The following MCCC1 variants were observed in gnomAD, a reference collection of about 807,000 sequenced individuals.
MCCC1 encodes the protein methylcrotonoyl-CoA carboxylase subunit alpha, mitochondrial.
A neutral mutation model predicts 83.8 loss-of-function variants in MCCC1; 64 were observed. The observed-to-expected ratio is 0.76, with a 90% CI of 0.62 to 0.94. MCCC1 has a LOEUF of 0.94. MCCC1 is among the 40% of genes least tolerant of loss of function. MCCC1 has a pLI of 0.00. For synonymous variants in MCCC1, 322 were observed against 315.4 expected, an observed-to-expected ratio of 1.02 and a Z score of -0.22; for missense variants, 807 against 904.7, an observed-to-expected ratio of 0.89 and a Z score of 1.39.
intron 1 of MCCC1, among the ~76,000 whole-genome samples, chr3:183,114,509 G>A (rs917496181): frequency 6.6e-6 from 1 of 152,206 alleles, no homozygotes; most frequent in African/African-American, 2.4e-5. Flanking sequence ...GCCATCTGGT[G>A]TCCACTGCAG....
chr3:183,067,593 C>T (rs1716348956), intron 7 of MCCC1, among the ~76,000 whole-genome samples: 1 of 152,198 alleles, frequency 6.6e-6, no homozygotes, highest in Non-Finnish European at 1.5e-5. Context: ...AGATTTCCTA[C>T]AATTTAGACT....
intron 9 of MCCC1, among the ~76,000 whole-genome samples, chr3:183,048,238 GAATA>G (rs1163097471): frequency 3.3e-5 from 5 of 152,032 alleles, no homozygotes; most frequent in Admixed American, 3.3e-4. Flanking sequence ...CAAACAAGGG[GAATA>G]AATAGAAAAC....
chr3:183,015,386 T>G lies in MCCC1; in HGVS notation c.*52A>C. On this transcript the variant is annotated 3_prime_UTR_variant, in exon 19 of 19. Transcript: ENST00000265594. ...CCAGAAAAGCTGGAGGCACTTCCTC[T>G]TTTTGGTGGAGAGAGAAGACACTAC... 6.2e-7 allele frequency: 1 copy of G among 1,608,936 alleles called. No homozygotes were observed. Among genetic ancestry groups the G allele is most frequent in the Non-Finnish European group, 8.5e-7 (1 of 1,175,452 alleles).
At chr3:183,047,470 AAC>A (rs988463457) in intron 9 of MCCC1, among the ~76,000 whole-genome samples, 4 of 152,198 alleles carry the variant, frequency 2.6e-5, no homozygotes, top group African/African-American at 7.2e-5. Flanking sequence ...AAAGGCAAAA[AAC>A]ACAGTTTGAA....
intron 4 of MCCC1, 130 bp downstream of exon 4, chr3:183,086,563 C>T (rs1717904534): frequency 1.2e-6 from 1 of 818,278 alleles, no homozygotes; most frequent in South Asian, 1.5e-5. Context: ...GCCTAGTTTA[C>T]AATGATAATC....
intron 2 of MCCC1, among the ~76,000 whole-genome samples, chr3:183,093,082 C>T (rs1037922327): frequency 7.2e-5 from 11 of 152,086 alleles, no homozygotes; most frequent in African/African-American, 2.4e-4. Context: ...TTAGTAGAGA[C>T]GGGGTTTCAC....
intron 14 of MCCC1, among the ~76,000 whole-genome samples, chr3:183,029,613 C>T (rs967228192): frequency 6.6e-6 from 1 of 152,190 alleles, no homozygotes; most frequent in African/African-American, 2.4e-5. Flanking sequence ...ACCCTGAATA[C>T]TTAAAACAGT....
intron 4 of MCCC1, among the ~76,000 whole-genome samples, chr3:183,082,989 T>TA (rs533770378): frequency 1.4e-4 from 21 of 147,426 alleles, no homozygotes; most frequent in Middle Eastern, 3.5e-3. Context: ...GACAACGTCT[T>TA]AAAAAAAAAA....
In MCCC1 at chr3:183,057,275, C is replaced by T. The variant is rs114706421; in HGVS notation, c.873+36G>A. 1,475 of 1,435,082 alleles carry T rather than the reference C, an allele frequency of 1.0e-3. 8 individuals are homozygous for T. In the African/African-American group the frequency reaches 0.016, roughly 16 times the overall value. The allele number at this position is 1,435,082 out of a possible 1,614,324, so 88.9% of individuals were successfully genotyped here. ...GAAAATCAGAGTAAGATTCACATTA[C>T]GGAGAAGCTTACAAATTTCTTTCCA... On this transcript the variant is annotated intron_variant, in intron 8 of 18. Transcript: ENST00000265594.
chr3:183,109,825 C>T (rs1158281589), intron 1 of MCCC1, among the ~76,000 whole-genome samples: 1 of 152,164 alleles, frequency 6.6e-6, no homozygotes, highest in Non-Finnish European at 1.5e-5. Flanking sequence ...TTTGAGAAAT[C>T]TCCAAACTGA....
chr3:183,099,719 C>A, upstream of MCCC1: 1 of 547,146 alleles, frequency 1.8e-6, no homozygotes, highest in Non-Finnish European at 3.3e-6. Context: ...CTGACTAAGG[C>A]AAGGGTTTTC....
intron 1 of MCCC1, among the ~76,000 whole-genome samples, chr3:183,105,639 C>T (rs2108583807): frequency 6.6e-6 from 1 of 151,934 alleles, no homozygotes; most frequent in East Asian, 1.9e-4. Flanking sequence ...TACCTTAGGC[C>T]TGTATTAGCT....
In MCCC1 at chr3:183,037,196, G is replaced by A. The variant is rs201197911; in HGVS notation, c.1594+22C>T. Reference sequence around the variant, plus strand: ...GATTTGCAAAACTTGACAAGCAGAGGAAAGAGAAAAGCCTTCCATACCATG... The same window carrying A: ...GATTTGCAAAACTTGACAAGCAGAGAAAAGAGAAAAGCCTTCCATACCATG... On this transcript the variant is annotated intron_variant, in intron 13 of 18. Transcript: ENST00000265594. The A allele has an allele frequency of 6.4e-5, 103 of 1,610,728 alleles. No individual in the cohort carries two copies. In the Admixed American group the frequency reaches 1.7e-3, roughly 26 times the overall value.
intron 1 of MCCC1, among the ~76,000 whole-genome samples, chr3:183,098,009 G>A (rs1718867203): frequency 6.6e-6 from 1 of 152,150 alleles, no homozygotes; most frequent in Non-Finnish European, 1.5e-5. Context: ...CCGCCTCCTG[G>A]GTTCACACCA....
chr3:183,083,135 A>G (rs1449450430), intron 4 of MCCC1, among the ~76,000 whole-genome samples: 1 of 152,256 alleles, frequency 6.6e-6, no homozygotes, highest in African/African-American at 2.4e-5. Context: ...CACATTAAGA[A>G]CAATTCTAGA....
intron 14 of MCCC1, 81 bp downstream of exon 14, chr3:183,033,910 G>A (rs1019647818): frequency 5.5e-6 from 6 of 1,094,016 alleles, no homozygotes; most frequent in Non-Finnish European, 2.8e-6. Context: ...ACTGATCATG[G>A]CCAGGCTGGA....
intron 1 of MCCC1, among the ~76,000 whole-genome samples, chr3:183,106,081 T>TAATAAAAAAAAAAA (rs1553872644): frequency 8.9e-4 from 90 of 101,076 alleles, no homozygotes; most frequent in African/African-American, 3.1e-3. Context: ...AGAGAGTCCG[T>TAATAAAAAAAAAAA]AAAAAAAAAA....
At chr3:183,061,939 G>A (rs1356283231) in intron 7 of MCCC1, among the ~76,000 whole-genome samples, 1 of 152,174 alleles carries the variant, frequency 6.6e-6, no homozygotes, top group African/African-American at 2.4e-5. Flanking sequence ...CCGGCGGGAG[G>A]TAACTGAATC....
chr3:183,074,014 G>A (rs1455830162), intron 4 of MCCC1, among the ~76,000 whole-genome samples: 1 of 152,226 alleles, frequency 6.6e-6, no homozygotes, highest in Non-Finnish European at 1.5e-5. Context: ...CACATCCTGG[G>A]AGGGACAAAG....
Sources: gnomAD v4.1 joint callset for allele counts (sites outside exome capture counted in the v4.1 genomes callset) on GRCh38, gnomAD v4.1.1 for gene constraint, MANE v1.5 for transcripts, NCBI Gene and HGNC (gene_info 2026-07-23, HGNC 2026-07-21) for gene names.